Variants in ZHX2 observed in about 807,000 individuals in gnomAD.
ZHX2 encodes the protein zinc fingers and homeoboxes 2, also known as zinc fingers and homeoboxes protein 2.
ZHX2 carries 6 observed loss-of-function variants against 21.9 expected under a neutral mutation model. The observed-to-expected ratio is 0.27, with a 90% confidence interval of 0.15 to 0.54. The LOEUF is 0.54. Ranked by LOEUF, ZHX2 falls within the 20% of genes least tolerant of loss-of-function variation. ZHX2 has a pLI of 0.95. For synonymous variants in ZHX2, 434 were observed against 437.1 expected (o/e 0.99, Z 0.09); for missense variants, 908 against 1,090.7 (o/e 0.83, Z 2.36).
intron 1 of ZHX2, among the ~76,000 whole-genome samples, chr8:122,830,922 G>T (rs139142976): frequency 1.3e-5 from 2 of 152,174 alleles, no homozygotes; most frequent in African/African-American, 2.4e-5. Context: ...TTGGTGAGTT[G>T]GGCTTTAAGG....
chr8:122,833,481 G>A (rs566453999), intron 1 of ZHX2, among the ~76,000 whole-genome samples: 2 of 152,168 alleles, frequency 1.3e-5, no homozygotes, highest in Non-Finnish European at 2.9e-5. Flanking sequence ...GACTGAAGGT[G>A]TGGAAGTATC....
At chr8:122,792,751 C>G (rs1376587973) in intron 1 of ZHX2, among the ~76,000 whole-genome samples, 1 of 152,122 alleles carries the variant, frequency 6.6e-6, no homozygotes, top group African/African-American at 2.4e-5. Context: ...ATTGGACTAC[C>G]CAGGGCCAGG....
intron 1 of ZHX2, among the ~76,000 whole-genome samples, chr8:122,839,288 A>G (rs536057983): frequency 1.1e-4 from 16 of 152,138 alleles, no homozygotes; most frequent in Admixed American, 7.9e-4. Context: ...AACATTTCCA[A>G]CTTCCCTCAC....
intron 2 of ZHX2, among the ~76,000 whole-genome samples, chr8:122,874,492 C>T (rs1224856979): frequency 7.1e-6 from 1 of 140,976 alleles, no homozygotes; most frequent in Non-Finnish European, 1.6e-5. Context: ...CACCACCACG[C>T]CCAGCTAATT....
chr8:122,873,779 G>A (rs1233561055), intron 2 of ZHX2, among the ~76,000 whole-genome samples: 1 of 152,154 alleles, frequency 6.6e-6, no homozygotes, highest in Non-Finnish European at 1.5e-5. Flanking sequence ...CTCCTTCCTG[G>A]AAGCTCTCAG....
intron 2 of ZHX2, among the ~76,000 whole-genome samples, chr8:122,920,990 T>A (rs1820724870): frequency 6.6e-6 from 1 of 152,172 alleles, no homozygotes; most frequent in Non-Finnish European, 1.5e-5. Context: ...GGTTTCAGAT[T>A]GAGTTTCCTC....
At chr8:122,921,541 G>T (rs1004234973) in intron 2 of ZHX2, among the ~76,000 whole-genome samples, 1 of 152,150 alleles carries the variant, frequency 6.6e-6, no homozygotes, top group Non-Finnish European at 1.5e-5. Context: ...CGTGGGCGTG[G>T]TGATTCACGC....
chr8:122,854,324 T>C (rs1257957763), intron 1 of ZHX2, among the ~76,000 whole-genome samples: 1 of 152,208 alleles, frequency 6.6e-6, no homozygotes, highest in Non-Finnish European at 1.5e-5. Context: ...CATGATGGGA[T>C]AAATTGGGAG....
At chr8:122,864,458 CA>C (rs1819238234) in intron 2 of ZHX2, among the ~76,000 whole-genome samples, 1 of 151,944 alleles carries the variant, frequency 6.6e-6, no homozygotes, top group Admixed American at 6.6e-5. Flanking sequence ...GTATGTGGTC[CA>C]GGGGGCAACT....
intron 1 of ZHX2, among the ~76,000 whole-genome samples, chr8:122,798,476 G>A (rs1343742560): frequency 6.6e-6 from 1 of 152,136 alleles, no homozygotes; most frequent in Non-Finnish European, 1.5e-5. Flanking sequence ...TACATTGCAT[G>A]GGGCAGATGG....
intron 2 of ZHX2, among the ~76,000 whole-genome samples, chr8:122,934,202 A>G (rs1170770346): frequency 6.6e-6 from 1 of 152,218 alleles, no homozygotes; most frequent in African/African-American, 2.4e-5. Flanking sequence ...TCTAGAAGCC[A>G]TGTATCTTGC....
intron 2 of ZHX2, among the ~76,000 whole-genome samples, chr8:122,878,670 G>A (rs77094166): frequency 0.033 from 5,041 of 152,212 alleles, 261 homozygotes; most frequent in African/African-American, 0.11. Flanking sequence ...CCCTGTAGGA[G>A]GTGCAGGGAG....
At chr8:122,860,183 C>G (rs1476522465) in intron 1 of ZHX2, among the ~76,000 whole-genome samples, 1 of 152,148 alleles carries the variant, frequency 6.6e-6, no homozygotes, top group Non-Finnish European at 1.5e-5. Flanking sequence ...CTTATAAAAC[C>G]ATCAGATCTC....
In ZHX2 at chr8:122,875,132, TATATATATATA is replaced by T. The variant is rs1819534770; in HGVS notation, c.-220+11594_-220+11604del. Among the ~76,000 whole-genome samples the T allele has an allele frequency of 1.5e-3, 146 of 96,722 alleles. 18 individuals are homozygous for T. The highest frequency in any genetic ancestry group is 3.5e-3 in the African/African-American group (84 of 24,206). The allele number at this position is 96,722 out of a possible 152,430, so 63.5% of individuals were successfully genotyped here. A position where few individuals can be genotyped will look rare whatever the true frequency, so the allele number is the denominator to read the frequency against. On this transcript the variant is annotated intron_variant, in intron 2 of 3. Transcript: ENST00000314393. Reference sequence around the variant, plus strand: ...TTTTAGAGGAAGGAAAACTCTGTTATATATATATATATATATATATATATATATATATATAT... The same window carrying T: ...TTTTAGAGGAAGGAAAACTCTGTTATTATATATATATATATATATATATAT...
intron 2 of ZHX2, among the ~76,000 whole-genome samples, chr8:122,873,680 C>A (rs1236557209): frequency 6.6e-6 from 1 of 152,152 alleles, no homozygotes; most frequent in Non-Finnish European, 1.5e-5. Flanking sequence ...AGGCTTAACA[C>A]CAGTTTATTA....
chr8:122,953,743 T>C lies in ZHX2; in HGVS notation c.2233T>C (p.Leu745=), dbSNP rs1046445094. The C allele has an allele frequency of 1.3e-5, 21 of 1,614,196 alleles. No individual in the cohort carries two copies. The highest frequency in any genetic ancestry group is 1.6e-4 in the Middle Eastern group (1 of 6,062). Reference sequence around the variant, plus strand: ...GCTCTGCGAAGAGGACTTGGAGAAGTTGGTGACCAGGGTAAAAGTAGGCAG... The same window carrying C: ...GCTCTGCGAAGAGGACTTGGAGAAGCTGGTGACCAGGGTAAAAGTAGGCAG... ...KKLCEEDLEK[L]VTRVKVGSEP... Residue 745 remains leucine (L), a synonymous_variant, in exon 3 of 4, where the codon TTG becomes CTG. Transcript: ENST00000314393. This position sits in a 1 kb window ranked among gnomAD's most constrained non-coding sequence, Gnocchi z 4.6.
In ZHX2 at chr8:122,842,432, T is replaced by G. The variant is rs1261484976; in HGVS notation, c.-282-21045T>G. ...TTAAAAAGCTGACTCCTGGCTGGGC[T>G]TGGTGGCTCACGCCTGTAATCCCAG... is the stretch of plus-strand genomic sequence containing the variant. On this transcript the variant is annotated intron_variant, in intron 1 of 3. Transcript: ENST00000314393. 2.6e-5 allele frequency among the ~76,000 whole-genome samples: 4 copies of G among 152,274 alleles called. No homozygotes were observed. The East Asian group carries it at 5.8e-4, about 22-fold the overall frequency.
Position 122,939,141 on chromosome 8 carries a change from A to C in ZHX2, c.-219-12151A>C, listed in dbSNP as rs144897831. ...CATCAAGGATCAGGCACAGAACCAA[A>C]TATACTCAAATTAGCTCACTGGATA... On this transcript the variant is annotated intron_variant, in intron 2 of 3. Coordinates refer to ENST00000314393, the MANE Select transcript of ZHX2 (RefSeq NM_014943.5). Among the ~76,000 whole-genome samples, 29 of 152,350 alleles carry C rather than the reference A, an allele frequency of 1.9e-4. No individual in the cohort carries two copies. The East Asian group carries it at 5.6e-3, about 29-fold the overall frequency.
chr8:122,959,955 G>C (rs1484795262), intron 3 of ZHX2, among the ~76,000 whole-genome samples: 3 of 152,148 alleles, frequency 2.0e-5, no homozygotes, highest in African/African-American at 7.2e-5. Flanking sequence ...GTAGGTCCCA[G>C]GGAGATGAAG....
Sources: allele counts gnomAD v4.1 joint callset (sites outside exome capture counted in the v4.1 genomes callset), GRCh38; gene constraint gnomAD v4.1.1; non-coding constraint Gnocchi (gnomAD v3.1); transcripts MANE v1.5; gene names NCBI Gene and HGNC (gene_info 2026-07-23, HGNC 2026-07-21).